Variants in PIK3C2G observed in about 807,000 individuals in gnomAD.
The protein encoded by PIK3C2G is phosphatidylinositol-4-phosphate 3-kinase catalytic subunit type 2 gamma.
In PIK3C2G, 168 loss-of-function variants were observed where a neutral mutation model predicts 181.1. The observed-to-expected ratio is 0.93, with a 90% CI of 0.82 to 1.05. The LOEUF (loss-of-function observed/expected upper bound fraction) is 1.05. PIK3C2G is among the 50% of genes least tolerant of loss of function. PIK3C2G has a pLI of 0.00. For missense variants in PIK3C2G, 1,869 were observed against 1,732.8 expected (o/e 1.08, Z -1.40); for synonymous variants, 573 against 592.2 (o/e 0.97, Z 0.47).
intron 1 of PIK3C2G, among the ~76,000 whole-genome samples, chr12:18,270,844 AT>A (rs749822792): frequency 4.5e-4 from 68 of 152,282 alleles, no homozygotes; most frequent in Non-Finnish European, 7.1e-4. Flanking sequence ...TAAAACTATA[AT>A]TTTACGAACT....
At chr12:18,439,397 G>A (rs1287695643) in intron 18 of PIK3C2G, among the ~76,000 whole-genome samples, 1 of 151,998 alleles carries the variant, frequency 6.6e-6, no homozygotes, top group Non-Finnish European at 1.5e-5. Context: ...GAAAGTACAA[G>A]TAAAATTCTT....
intron 9 of PIK3C2G, among the ~76,000 whole-genome samples, chr12:18,341,366 G>A (rs925912171): frequency 8.6e-5 from 13 of 152,004 alleles, no homozygotes; most frequent in Non-Finnish European, 1.8e-4. Flanking sequence ...TTATGTACTA[G>A]TATAAACACA....
chr12:18,332,694 T>C (rs1402300972), intron 8 of PIK3C2G, among the ~76,000 whole-genome samples: 1 of 152,086 alleles, frequency 6.6e-6, no homozygotes, highest in Admixed American at 6.5e-5. Flanking sequence ...ACTATTTTGC[T>C]TTTTACTTCT....
rs1446455108 is a variant in PIK3C2G at position 18,346,718 on chromosome 12, G to A, written c.1507G>A (p.Ala503Thr). Residue 503 changes from alanine to threonine, a missense_variant, in exon 11 of 33, where the codon GCA becomes ACA. Physicochemically the swap from Ala to Thr is moderately conservative, Grantham distance 58 (BLOSUM62 0). Transcript: ENST00000538779. ...LINVYCNSFY[A>T]DFQPVNVPRC... Reference sequence around the variant, plus strand: ...CAATGTCTACTGTAACAGCTTTTATGCAGATTTTCAGCCTGTAAATGTACC... The same window carrying A: ...CAATGTCTACTGTAACAGCTTTTATACAGATTTTCAGCCTGTAAATGTACC... The A allele has an allele frequency of 6.2e-7, 1 of 1,613,112 alleles. No homozygotes were observed. Among genetic ancestry groups the A allele is most frequent in the Admixed American group, 1.7e-5 (1 of 59,946 alleles).
At chr12:18,693,819 G>A in the PIK3C2G span, 1 of 1,528,106 alleles carries the variant, frequency 6.5e-7, no homozygotes, top group Non-Finnish European at 9.1e-7. Flanking sequence ...GGCCGCATTG[G>A]CAGGAAGATT....
chr12:18,354,498 C>T (rs1032982729), intron 11 of PIK3C2G, among the ~76,000 whole-genome samples: 3 of 152,202 alleles, frequency 2.0e-5, no homozygotes, highest in Admixed American at 1.3e-4. Flanking sequence ...TGGATCAATC[C>T]TACACTGTTG....
chr12:18,284,981 T>C (rs1459344128), intron 2 of PIK3C2G, among the ~76,000 whole-genome samples: 1 of 152,168 alleles, frequency 6.6e-6, no homozygotes, highest in African/African-American at 2.4e-5. Flanking sequence ...CAGGAAATTA[T>C]TCAAATTTGA....
At chr12:18,531,633 G>A (rs777182474) in intron 24 of PIK3C2G, among the ~76,000 whole-genome samples, 6 of 152,166 alleles carry the variant, frequency 3.9e-5, no homozygotes, top group Non-Finnish European at 5.9e-5. Context: ...GAACCATGCA[G>A]TATGCAATTT....
chr12:18,707,527 G>A, the PIK3C2G span, among the ~76,000 whole-genome samples: 1 of 152,076 alleles, frequency 6.6e-6, no homozygotes, highest in Admixed American at 6.6e-5. Flanking sequence ...GCCAAGCAAT[G>A]TTTGCCCCCC....
chr12:18,349,753 T>C (rs912789110), intron 11 of PIK3C2G, among the ~76,000 whole-genome samples: 1 of 152,238 alleles, frequency 6.6e-6, no homozygotes, highest in Non-Finnish European at 1.5e-5. Flanking sequence ...ATTATCTTAA[T>C]AATAGCATAT....
At chr12:18,393,160 C>A (rs2138066167) in intron 15 of PIK3C2G, among the ~76,000 whole-genome samples, 1 of 152,174 alleles carries the variant, frequency 6.6e-6, no homozygotes, top group East Asian at 1.9e-4. Context: ...CTTTAAATAT[C>A]AGAGGTTTGT....
chr12:18,269,916 T>C (rs1163027954), intron 1 of PIK3C2G, among the ~76,000 whole-genome samples: 1 of 147,702 alleles, frequency 6.8e-6, no homozygotes, highest in South Asian at 2.1e-4. Context: ...TCTTTTCTTT[T>C]TTTTTTTTTT....
chr12:18,443,882 G>A (rs1179562805), intron 18 of PIK3C2G, among the ~76,000 whole-genome samples: 3 of 152,046 alleles, frequency 2.0e-5, no homozygotes, highest in East Asian at 1.9e-4. Flanking sequence ...AGAGTGTAAC[G>A]ACCCTTCTCC....
chr12:18,608,740 A>T (rs2136590190), intron 30 of PIK3C2G, among the ~76,000 whole-genome samples: 1 of 152,270 alleles, frequency 6.6e-6, no homozygotes, highest in East Asian at 1.9e-4. Flanking sequence ...AGTGGGAAAT[A>T]AAACAGTAAT....
rs868403417 is a variant in PIK3C2G, at chr12:18,284,104, G to A, written c.678+1345G>A. On this transcript the variant is annotated intron_variant, in intron 2 of 32. Coordinates refer to ENST00000538779, the MANE Select transcript of PIK3C2G (RefSeq NM_001288772.2). ...GGTCAGAAGTAGAGAGAGGACTTAC[G>A]GCTTGGCCAAGTATTGGGATGTGCT... Among the ~76,000 whole-genome samples the A allele has an allele frequency of 2.2e-3, 341 of 152,164 alleles. 2 individuals are homozygous for A. The highest frequency in any genetic ancestry group is 5.6e-3 in the African/African-American group (234 of 41,512).
the PIK3C2G span, among the ~76,000 whole-genome samples, chr12:18,672,328 T>G: frequency 1.3e-5 from 2 of 152,084 alleles, no homozygotes; most frequent in Non-Finnish European, 2.9e-5. Flanking sequence ...AACAAACCTT[T>G]CCCGACAGTT....
chr12:18,687,431 A>G, the PIK3C2G span, among the ~76,000 whole-genome samples: 1,536 of 152,242 alleles, frequency 0.01, 27 homozygotes, highest in African/African-American at 0.035. Context: ...GGTGATCCTG[A>G]CCAGGGATCA....
chr12:18,678,300 G>A, the PIK3C2G span, among the ~76,000 whole-genome samples: 2 of 152,048 alleles, frequency 1.3e-5, no homozygotes, highest in African/African-American at 4.8e-5. Flanking sequence ...GTGCTCAAAA[G>A]AAAGCCAGAA....
At chr12:18,561,252 G>A (rs1038448201) in intron 26 of PIK3C2G, among the ~76,000 whole-genome samples, 1 of 152,192 alleles carries the variant, frequency 6.6e-6, no homozygotes, top group East Asian at 1.9e-4. Flanking sequence ...CATACTATAT[G>A]ATAGAGTTCA....
Sources: gnomAD v4.1 joint callset for allele counts (sites outside exome capture counted in the v4.1 genomes callset) on GRCh38, gnomAD v4.1.1 for gene constraint, MANE v1.5 for transcripts, NCBI Gene and HGNC (gene_info 2026-07-23, HGNC 2026-07-21) for gene names.